The following INPP4B variants were observed in gnomAD, a reference collection of about 807,000 sequenced individuals.
The protein encoded by INPP4B is inositol polyphosphate 4-phosphatase type II.
Under a neutral mutation model 122.5 loss-of-function variants are expected in INPP4B, and 55 were observed. The observed-to-expected ratio is 0.45, with a 90% CI of 0.36 to 0.56. The LOEUF (loss-of-function observed/expected upper bound fraction) is 0.56, where lower values mean the gene tolerates loss of function less well. Among genes scored for constraint, INPP4B ranks in the 20% least tolerant of loss-of-function variants. The probability of loss-of-function intolerance (pLI) is 0.00; values close to 1 mark genes in which losing one functional copy is unlikely to be tolerated. For missense variants in INPP4B, 1,000 were observed against 1,097.7 expected, an observed-to-expected ratio of 0.91 and a Z score of 1.26; for synonymous variants, 403 against 388.7, an observed-to-expected ratio of 1.04 and a Z score of -0.43.
At chr4:142,424,506 C>T (rs1807604553) in intron 5 of INPP4B, among the ~76,000 whole-genome samples, 1 of 151,990 alleles carries the variant, frequency 6.6e-6, no homozygotes, top group Non-Finnish European at 1.5e-5. Flanking sequence ...ATACACACAC[C>T]TTCCAATCTT....
At chr4:142,409,553 C>G (rs1157510863) in intron 5 of INPP4B, among the ~76,000 whole-genome samples, 1 of 151,742 alleles carries the variant, frequency 6.6e-6, no homozygotes, top group Non-Finnish European at 1.5e-5. Flanking sequence ...GTGACTGAGA[C>G]TCTATCTCAA....
At chr4:142,629,500 G>A (rs1180918283) in intron 2 of INPP4B, among the ~76,000 whole-genome samples, 3 of 152,036 alleles carry the variant, frequency 2.0e-5, no homozygotes, top group African/African-American at 7.2e-5. Flanking sequence ...GTGCGTGAGT[G>A]TATGCATGAG....
At chr4:142,119,089 A>C (rs1011424058) in intron 21 of INPP4B, among the ~76,000 whole-genome samples, 1 of 152,096 alleles carries the variant, frequency 6.6e-6, no homozygotes, top group African/African-American at 2.4e-5. Flanking sequence ...ATCAAAACCA[A>C]AATGAGATAC....
At chr4:142,298,683 C>CAAAAAAAAAA (rs386401712) in intron 9 of INPP4B, among the ~76,000 whole-genome samples, 1 of 66,448 alleles carries the variant, frequency 1.5e-5, no homozygotes, top group Non-Finnish European at 2.6e-5. Context: ...GACTCTGTCT[C>CAAAAAAAAAA]AAAAAAAAAA....
intron 25 of INPP4B, among the ~76,000 whole-genome samples, chr4:142,032,023 CAGAG>C (rs921125128): frequency 6.6e-6 from 1 of 152,060 alleles, no homozygotes; most frequent in African/African-American, 2.4e-5. Context: ...GAGACAGAGA[CAGAG>C]AGAATTTTAA....
In INPP4B at chr4:142,163,540, A is replaced by G. The variant is rs142912085; in HGVS notation, c.1360-2979T>C. Among the ~76,000 whole-genome samples the G allele has an allele frequency of 2.6e-5, 4 of 152,038 alleles. No homozygotes were observed. The East Asian group carries it at 7.8e-4, about 30-fold the overall frequency. On this transcript the variant is annotated intron_variant, in intron 16 of 25. Coordinates refer to ENST00000262992, the MANE Select transcript of INPP4B (RefSeq NM_001101669.3). Reference sequence around the variant, plus strand: ...AGACACGTGAGTACAGTACAAGAAGATATTTTGAGAGAGACCACATTTACA... The same window carrying G: ...AGACACGTGAGTACAGTACAAGAAGGTATTTTGAGAGAGACCACATTTACA...
chr4:142,135,149 A>G (rs1689380668), intron 18 of INPP4B, among the ~76,000 whole-genome samples: 1 of 152,228 alleles, frequency 6.6e-6, no homozygotes, highest in African/African-American at 2.4e-5. Context: ...GCAATGGTAG[A>G]TCCATATGAC....
intron 15 of INPP4B, among the ~76,000 whole-genome samples, chr4:142,174,552 G>A (rs919862619): frequency 2.0e-5 from 3 of 152,014 alleles, no homozygotes; most frequent in African/African-American, 4.8e-5. Context: ...ATTTTATCAC[G>A]ACACTTTTTC....
rs370929272 is a variant in INPP4B at position 142,431,187 on chromosome 4, C to T, written c.73G>A (p.Gly25Arg). ...FLPTAQANDPGDCQFTSIQKT... is the reference protein window; with the variant it reads ...FLPTAQANDPRDCQFTSIQKT... ...TACTTACTTGTGAACTGACAGTCCCCGGGATCATTGGCCTGGGCTGTAGGA... is the reference window on the plus strand; with the variant it reads ...TACTTACTTGTGAACTGACAGTCCCTGGGATCATTGGCCTGGGCTGTAGGA... The change falls in exon 4 of 26, where the codon GGG (glycine) becomes AGG (arginine). Residue 25 changes from glycine to arginine, a missense_variant. Physicochemically the swap from Gly to Arg is moderately radical, Grantham distance 125. Transcript: ENST00000262992. 1.2e-3 allele frequency: 1,913 copies of T among 1,612,812 alleles called. 31 individuals are homozygous for T. The South Asian group carries it at 0.019, about 16-fold the overall frequency.
At chr4:142,494,195 C>T (rs1247010000) in intron 2 of INPP4B, among the ~76,000 whole-genome samples, 2 of 152,214 alleles carry the variant, frequency 1.3e-5, no homozygotes, top group East Asian at 3.9e-4. Context: ...TTATAAATTG[C>T]CCAGTCTCTC....
chr4:142,581,409 T>A (rs902623206), intron 2 of INPP4B, among the ~76,000 whole-genome samples: 6 of 151,908 alleles, frequency 3.9e-5, no homozygotes, highest in African/African-American at 1.4e-4. Context: ...GGTTATTGAT[T>A]GATATACTAG....
chr4:142,459,980 G>A (rs1376106993), intron 3 of INPP4B, among the ~76,000 whole-genome samples: 1 of 152,164 alleles, frequency 6.6e-6, no homozygotes, highest in Non-Finnish European at 1.5e-5. Flanking sequence ...TACAGAATAA[G>A]CACTTTCTCA....
intron 1 of INPP4B, among the ~76,000 whole-genome samples, chr4:142,816,066 T>G (rs1009436514): frequency 1.3e-5 from 2 of 152,152 alleles, no homozygotes; most frequent in African/African-American, 4.8e-5. Context: ...GTCAGAGAAG[T>G]GAGCAGGCTG....
At chr4:142,114,511 A>G (rs1791957411) in intron 21 of INPP4B, among the ~76,000 whole-genome samples, 1 of 152,188 alleles carries the variant, frequency 6.6e-6, no homozygotes, top group African/African-American at 2.4e-5. Flanking sequence ...TCTCCTAGTG[A>G]GGAATTATGT....
intron 2 of INPP4B, among the ~76,000 whole-genome samples, chr4:142,564,073 G>A (rs781140636): frequency 6.6e-6 from 1 of 152,198 alleles, no homozygotes; most frequent in Non-Finnish European, 1.5e-5. Flanking sequence ...ACAAAAGATA[G>A]TAGATAGAAT....
intron 2 of INPP4B, among the ~76,000 whole-genome samples, chr4:142,642,699 C>A (rs577225808): frequency 2.0e-5 from 3 of 152,072 alleles, no homozygotes; most frequent in Non-Finnish European, 1.5e-5. Context: ...AGTCAGGTAG[C>A]GTGATGCCTC....
chr4:142,633,380 A>G (rs534574474), intron 2 of INPP4B, among the ~76,000 whole-genome samples: 1 of 152,068 alleles, frequency 6.6e-6, no homozygotes, highest in Non-Finnish European at 1.5e-5. Flanking sequence ...TGCAAGTAGA[A>G]GAACAATACC....
chr4:142,147,258 C>CT (rs1485054224), intron 17 of INPP4B, among the ~76,000 whole-genome samples: 5 of 152,016 alleles, frequency 3.3e-5, no homozygotes, highest in Non-Finnish European at 1.5e-5. Flanking sequence ...CTCAAATGTA[C>CT]TTTTTTTGCC....
At chr4:142,755,715 T>C (rs544571324) in intron 1 of INPP4B, among the ~76,000 whole-genome samples, 47 of 152,214 alleles carry the variant, frequency 3.1e-4, no homozygotes, top group African/African-American at 1.0e-3. Context: ...ATCAGTATAA[T>C]AGTTTATCCT....
Sources: allele counts gnomAD v4.1 joint callset (sites outside exome capture counted in the v4.1 genomes callset), GRCh38; gene constraint gnomAD v4.1.1; transcripts MANE v1.5; gene names NCBI Gene and HGNC (gene_info 2026-07-23, HGNC 2026-07-21).